The following DICER1 variants were observed in gnomAD, a reference collection of about 807,000 sequenced individuals.
The protein encoded by DICER1 is dicer 1, ribonuclease III.
In DICER1, 43 loss-of-function variants were observed where a neutral mutation model predicts 194.1. The ratio of observed to expected loss-of-function variants is 0.22; its 90% CI spans 0.17 to 0.29. DICER1 has a LOEUF of 0.29. Among genes scored for constraint, DICER1 ranks in the 10% least tolerant of loss-of-function variants. DICER1 has a pLI of 1.00. For missense variants in DICER1, 1,608 were observed against 2,317.0 expected (o/e 0.69, Z 6.28); for synonymous variants, 832 against 820.5 (o/e 1.01, Z -0.24).
chr14:95,132,275 A>G (rs192839269), intron 3 of DICER1, among the ~76,000 whole-genome samples: 2 of 152,366 alleles, frequency 1.3e-5, no homozygotes, highest in Middle Eastern at 3.4e-3. Context: ...TCTAATGTAC[A>G]TATGTTCCAA....
chr14:95,142,806 T>C (rs1040085912), intron 1 of DICER1, among the ~76,000 whole-genome samples: 2 of 152,176 alleles, frequency 1.3e-5, no homozygotes, highest in African/African-American at 4.8e-5. Flanking sequence ...TAGTACAAAC[T>C]AGCAAACTTA....
chr14:95,147,762 T>C (rs1224677060), intron 1 of DICER1, among the ~76,000 whole-genome samples: 3 of 152,190 alleles, frequency 2.0e-5, no homozygotes, highest in Non-Finnish European at 2.9e-5. Context: ...TCCGTGTCAA[T>C]TGCAAACCTC....
Position 95,116,331 on chromosome 14 carries a change from T to C in DICER1, c.1752+122A>G. The C allele has an allele frequency of 5.7e-6, 7 of 1,236,878 alleles. No homozygotes were observed. In the South Asian group the frequency reaches 9.5e-5, roughly 17 times the overall value. 76.6% of individuals were successfully genotyped at this position (1,236,878 alleles called of 1,614,324 possible). A position where few individuals can be genotyped will look rare whatever the true frequency, so the allele number is the denominator to read the frequency against. On this transcript the variant is annotated intron_variant, in intron 10 of 26. Transcript: ENST00000343455. ...TTACAATGTACACAGAGTACACCTC[T>C]TTTGAGATTATTGCCTGTAGATAAA...
At chr14:95,104,578 T>C (rs139406775) in intron 20 of DICER1, among the ~76,000 whole-genome samples, 103 of 152,362 alleles carry the variant, frequency 6.8e-4, no homozygotes, top group African/African-American at 2.4e-3. Context: ...TTTAAGCTAG[T>C]GTTTGGCACT....
intron 1 of DICER1, among the ~76,000 whole-genome samples, chr14:95,139,943 C>T (rs536501579): frequency 6.6e-6 from 1 of 152,264 alleles, no homozygotes; most frequent in African/African-American, 2.4e-5. Context: ...CTTAAAATTC[C>T]AACAGGTAAT....
chr14:95,099,743 CA>C, intron 22 of DICER1, 36 bp downstream of exon 22: 1 of 1,147,164 alleles, frequency 8.7e-7, no homozygotes, highest in Non-Finnish European at 1.2e-6. Flanking sequence ...CACACACACA[CA>C]CACACACACA....
In DICER1 at chr14:95,107,922, T is replaced by C. The variant is rs1566776633; in HGVS notation, c.2608A>G (p.Thr870Ala). The C allele has an allele frequency of 1.2e-6, 2 of 1,614,086 alleles. No homozygotes were observed. Residue 870 changes from threonine (T) to alanine (A), a missense_variant, in exon 16 of 27, where the codon ACA becomes GCA. Physicochemically the swap from Thr to Ala is moderately conservative, Grantham distance 58. Transcript: ENST00000343455. ...LEKPALEFKP[T>A]DADSAYCVLP... Reference sequence around the variant, plus strand: ...ACACAGTATGCTGAATCAGCGTCTGTAGGTTTAAATTCTAGTGCAGGTTTT... The same window carrying C: ...ACACAGTATGCTGAATCAGCGTCTGCAGGTTTAAATTCTAGTGCAGGTTTT...
chr14:95,152,932 G>C (rs1895605133), intron 1 of DICER1, among the ~76,000 whole-genome samples: 2 of 152,128 alleles, frequency 1.3e-5, no homozygotes, highest in South Asian at 4.1e-4. Context: ...GACTGGGTGA[G>C]AGGGCTGGGC....
intron 1 of DICER1, among the ~76,000 whole-genome samples, chr14:95,136,064 AG>A (rs1255414752): frequency 2.0e-5 from 3 of 147,382 alleles, no homozygotes; most frequent in Non-Finnish European, 4.5e-5. Context: ...CAAATGGTAC[AG>A]AAAAAGAATC....
intron 8 of DICER1, among the ~76,000 whole-genome samples, chr14:95,120,846 T>A (rs1402110388): frequency 6.6e-6 from 1 of 152,132 alleles, no homozygotes; most frequent in African/African-American, 2.4e-5. Flanking sequence ...TACATATAGA[T>A]ATATCCCTCT....
At chr14:95,110,782 G>A (rs1389424638) in intron 14 of DICER1, among the ~76,000 whole-genome samples, 1 of 152,066 alleles carries the variant, frequency 6.6e-6, no homozygotes, top group African/African-American at 2.4e-5. Context: ...AACTCTGCTA[G>A]GATGCCCACA....
chr14:95,104,683 C>A (rs752692313), intron 20 of DICER1, among the ~76,000 whole-genome samples: 4 of 152,122 alleles, frequency 2.6e-5, no homozygotes, highest in Non-Finnish European at 4.4e-5. Context: ...ATTGGATAAC[C>A]AGAACTAATG....
intron 23 of DICER1, 153 bp downstream of exon 23, chr14:95,095,672 G>T (rs1030840748): frequency 1.5e-5 from 13 of 888,500 alleles, no homozygotes; most frequent in South Asian, 7.2e-5. Flanking sequence ...ACAAGGAAAA[G>T]AATTCTTTCT....
chr14:95,140,798 T>G (rs1347850263), intron 1 of DICER1: 4 of 152,220 alleles, frequency 2.6e-5, no homozygotes, highest in Non-Finnish European at 4.4e-5. Context: ...TTAAGATTCC[T>G]GTAAACTGAA....
chr14:95,154,573 G>A (rs148846419), intron 1 of DICER1, among the ~76,000 whole-genome samples: 14 of 152,306 alleles, frequency 9.2e-5, no homozygotes, highest in Admixed American at 4.6e-4. Context: ...ATGAGCCGTG[G>A]AGACACTATG....
chr14:95,117,875 T>A, intron 8 of DICER1, 121 bp from the exon 9 acceptor site: 1 of 889,494 alleles, frequency 1.1e-6, no homozygotes, highest in Admixed American at 2.3e-5. Context: ...AACAAAACGG[T>A]CTTGGTCCTT....
In DICER1 at chr14:95,093,389, T is replaced by C. The variant is rs371735460; in HGVS notation, c.5364+499A>G. 2.6e-4 allele frequency among the ~76,000 whole-genome samples: 39 copies of C among 152,340 alleles called. 1 individual carries two copies. In the East Asian group the frequency reaches 5.4e-3, roughly 21 times the overall value. ...TTTGGCTGAACTTACAATAGAAGCC[T>C]CCCAAATTCCAATGGTCAAAAATTT... On this transcript the variant is annotated intron_variant, in intron 24 of 26. Coordinates refer to ENST00000343455, the MANE Select transcript of DICER1 (RefSeq NM_177438.3).
At chr14:95,118,084 C>T (rs1381933417) in intron 8 of DICER1, among the ~76,000 whole-genome samples, 1 of 152,150 alleles carries the variant, frequency 6.6e-6, no homozygotes, top group African/African-American at 2.4e-5. Context: ...GAGAGAAACA[C>T]GGATCCTCAT....
intron 9 of DICER1, among the ~76,000 whole-genome samples, chr14:95,117,025 G>T (rs1566791055): frequency 6.6e-6 from 1 of 152,136 alleles, no homozygotes; most frequent in Admixed American, 6.5e-5. Flanking sequence ...TGTAGAAAAG[G>T]CCTTCAACAG....
Sources: gnomAD v4.1 joint callset for allele counts (sites outside exome capture counted in the v4.1 genomes callset) on GRCh38, gnomAD v4.1.1 for gene constraint, MANE v1.5 for transcripts, NCBI Gene and HGNC (gene_info 2026-07-23, HGNC 2026-07-21) for gene names.